The following PTPRM variants were observed in gnomAD, a reference collection of about 807,000 sequenced individuals.
PTPRM encodes receptor-type tyrosine-protein phosphatase mu.
In PTPRM, 47 loss-of-function variants were observed where a neutral mutation model predicts 186.7. The observed-to-expected ratio is 0.25, with a 90% CI of 0.20 to 0.32. The LOEUF is 0.32. Ranked by LOEUF, PTPRM falls within the 10% of genes least tolerant of loss-of-function variation. PTPRM has a pLI of 1.00. For synonymous variants in PTPRM, 668 were observed against 674.9 expected (o/e 0.99, Z 0.16); for missense variants, 1,494 against 1,865.0 (o/e 0.80, Z 3.66).
chr18:7,748,871 A>G (rs1381076258), intron 1 of PTPRM, among the ~76,000 whole-genome samples: 1 of 152,182 alleles, frequency 6.6e-6, no homozygotes, highest in African/African-American at 2.4e-5. Context: ...CCCCCACCCC[A>G]GTGGGATTAA....
chr18:7,636,793 A>T (rs147736428), intron 1 of PTPRM, among the ~76,000 whole-genome samples: 7 of 152,238 alleles, frequency 4.6e-5, no homozygotes, highest in Admixed American at 1.3e-4. Context: ...TTGGAGGTTT[A>T]GAGTGAGGAC....
chr18:8,303,952 C>T (rs950244253), intron 20 of PTPRM, among the ~76,000 whole-genome samples: 7 of 152,138 alleles, frequency 4.6e-5, no homozygotes, highest in African/African-American at 1.7e-4. Flanking sequence ...AATGCAGCCA[C>T]GGGAGGAGCA....
intron 2 of PTPRM, among the ~76,000 whole-genome samples, chr18:7,812,398 C>T (rs960698025): frequency 6.6e-6 from 1 of 152,130 alleles, no homozygotes; most frequent in Non-Finnish European, 1.5e-5. Flanking sequence ...TCTTTCTAGT[C>T]GAGGTACCTG....
chr18:8,230,876 G>C (rs1172330434), intron 14 of PTPRM, among the ~76,000 whole-genome samples: 2 of 152,066 alleles, frequency 1.3e-5, no homozygotes, highest in Non-Finnish European at 1.5e-5. Flanking sequence ...TATTTAAGTG[G>C]ATCTTGTAAT....
At chr18:8,239,711 A>G (rs2094394488) in intron 14 of PTPRM, among the ~76,000 whole-genome samples, 1 of 152,164 alleles carries the variant, frequency 6.6e-6, no homozygotes, top group Non-Finnish European at 1.5e-5. Context: ...CAGTTCTCCA[A>G]CAAATCTAAG....
intron 3 of PTPRM, among the ~76,000 whole-genome samples, chr18:7,889,706 A>G (rs1376701636): frequency 6.7e-6 from 1 of 150,004 alleles, no homozygotes; most frequent in Non-Finnish European, 1.5e-5. Flanking sequence ...TGAGTCTAAA[A>G]GAAGACACCC....
chr18:7,845,895 A>G (rs1670385766), intron 2 of PTPRM, among the ~76,000 whole-genome samples: 1 of 152,046 alleles, frequency 6.6e-6, no homozygotes, highest in South Asian at 2.1e-4. Context: ...GAAGGGAAGG[A>G]AGCAGCCTTA....
chr18:8,122,830 G>A (rs2092223206), intron 13 of PTPRM, among the ~76,000 whole-genome samples: 2 of 152,162 alleles, frequency 1.3e-5, no homozygotes, highest in Admixed American at 6.6e-5. Flanking sequence ...TGTTCTAACA[G>A]CTTTGTGTGT....
At chr18:7,809,457 A>G (rs2044396223) in intron 2 of PTPRM, among the ~76,000 whole-genome samples, 1 of 151,814 alleles carries the variant, frequency 6.6e-6, no homozygotes, top group South Asian at 2.1e-4. Context: ...CTTCTCCCCT[A>G]GACCACCGCA....
chr18:8,230,209 TA>T (rs547843514), intron 14 of PTPRM, among the ~76,000 whole-genome samples: 6 of 152,156 alleles, frequency 3.9e-5, no homozygotes, highest in South Asian at 2.1e-4. Context: ...TGACTTGTCT[TA>T]AAAAAAACTG....
At chr18:8,354,081 CGG>C in intron 23 of PTPRM, among the ~76,000 whole-genome samples, 1 of 151,878 alleles carries the variant, frequency 6.6e-6, no homozygotes, top group South Asian at 2.1e-4. Context: ...GGCGTGGTGG[CGG>C]GTGCCTGTAA....
intron 1 of PTPRM, among the ~76,000 whole-genome samples, chr18:7,693,402 G>A (rs775772700): frequency 2.6e-4 from 39 of 152,080 alleles, no homozygotes; most frequent in Non-Finnish European, 1.8e-4. Context: ...CAGACCATTC[G>A]ATCCCAAAGA....
At chr18:8,396,978 G>A (rs1452407424) in intron 32 of PTPRM, among the ~76,000 whole-genome samples, 1 of 152,202 alleles carries the variant, frequency 6.6e-6, no homozygotes, top group Non-Finnish European at 1.5e-5. Context: ...CTTAGGCCAG[G>A]GTGATAAAGT....
chr18:7,675,714 T>A (rs947047119), intron 1 of PTPRM, among the ~76,000 whole-genome samples: 1 of 150,760 alleles, frequency 6.6e-6, no homozygotes, highest in Non-Finnish European at 1.5e-5. Context: ...GTTGGGGAAA[T>A]TTTTGTTTGC....
chr18:7,674,268 T>C (rs1385247604), intron 1 of PTPRM, among the ~76,000 whole-genome samples: 3 of 152,116 alleles, frequency 2.0e-5, no homozygotes, highest in Non-Finnish European at 2.9e-5. Flanking sequence ...CAGGTGATTC[T>C]AAAAGGGAGC....
Position 7,888,227 on chromosome 18 carries a change from G to T in PTPRM, c.318G>T (p.Lys106Asn). Residue 106 changes from lysine (K) to asparagine (N), a missense_variant, in exon 3 of 33, where the codon AAG (lysine) becomes AAT (asparagine). By Grantham distance (94) the Lys-to-Asn change is moderately conservative. This residue lies in a region of PTPRM where 296 missense variants were observed against 345.5 expected (regional missense o/e 0.86). Transcript: ENST00000580170. ...CIDFHYFVSS[K>N]SNSPPGLLNV... ...ATTTTCACTATTTTGTGTCCAGCAAGAGTAATTCTCCTCCGGGGTTACTCA... is the reference window on the plus strand; with the variant it reads ...ATTTTCACTATTTTGTGTCCAGCAATAGTAATTCTCCTCCGGGGTTACTCA... 1 of 1,614,126 alleles carries T rather than the reference G, an allele frequency of 6.2e-7. No homozygotes were observed. The highest frequency in any genetic ancestry group is 8.5e-7 in the Non-Finnish European group (1 of 1,180,012).
At chr18:7,649,327 C>A (rs945650978) in intron 1 of PTPRM, among the ~76,000 whole-genome samples, 2 of 152,210 alleles carry the variant, frequency 1.3e-5, no homozygotes, top group African/African-American at 4.8e-5. Context: ...GCTAACACAG[C>A]ATCCATTTTG....
chr18:8,221,574 G>A (rs2094153460), intron 14 of PTPRM, among the ~76,000 whole-genome samples: 1 of 152,190 alleles, frequency 6.6e-6, no homozygotes. Flanking sequence ...GTGACACACA[G>A]AAGACAAAAG....
chr18:7,978,918 T>TA (rs1026106993), intron 7 of PTPRM, among the ~76,000 whole-genome samples: 8 of 152,126 alleles, frequency 5.3e-5, no homozygotes, highest in African/African-American at 1.7e-4. Context: ...TAGCGACCTT[T>TA]AAAAAACAGT....
Sources: allele counts gnomAD v4.1 joint callset (sites outside exome capture counted in the v4.1 genomes callset), GRCh38; gene constraint gnomAD v4.1.1; regional missense constraint gnomAD v4.1.1; transcripts MANE v1.5; gene names NCBI Gene and HGNC (gene_info 2026-07-23, HGNC 2026-07-21).